Variants in ADAMTS19 observed in about 807,000 individuals in gnomAD.
The protein encoded by ADAMTS19 is ADAM metallopeptidase with thrombospondin type 1 motif 19.
Under a neutral mutation model 153.3 loss-of-function variants are expected in ADAMTS19, and 93 were observed. That is an observed-to-expected ratio of 0.61 (90% CI 0.51 to 0.72). The LOEUF (loss-of-function observed/expected upper bound fraction) is 0.72. Among genes scored for constraint, ADAMTS19 ranks in the 30% least tolerant of loss-of-function variants. ADAMTS19 has a pLI of 0.00. For synonymous variants in ADAMTS19, 600 were observed against 556.6 expected (o/e 1.08, Z -1.10); for missense variants, 1,482 against 1,552.1 (o/e 0.95, Z 0.76).
intron 18 of ADAMTS19, among the ~76,000 whole-genome samples, chr5:129,693,657 A>C (rs1755433407): frequency 1.3e-5 from 2 of 152,340 alleles, no homozygotes; most frequent in South Asian, 4.1e-4. Context: ...GCACATACTT[A>C]CTAGACATTT....
intron 21 of ADAMTS19, among the ~76,000 whole-genome samples, chr5:129,721,427 CT>C (rs1286126799): frequency 6.6e-6 from 1 of 152,092 alleles, no homozygotes; most frequent in African/African-American, 2.4e-5. Flanking sequence ...ACTTGAAAAA[CT>C]TTAATTTCAT....
At chr5:129,531,890 T>G (rs1437985446) in intron 6 of ADAMTS19, among the ~76,000 whole-genome samples, 1 of 152,032 alleles carries the variant, frequency 6.6e-6, no homozygotes, top group East Asian at 1.9e-4. Flanking sequence ...ACCAACATAA[T>G]TCAGTTATAA....
rs927055698 is a variant in ADAMTS19, at chr5:129,654,270, C to G, written c.2177-36C>G. 6 of 1,545,812 alleles carry G rather than the reference C, an allele frequency of 3.9e-6. No homozygotes were observed. The African/African-American group carries it at 7.0e-5, about 18-fold the overall frequency. On this transcript the variant is annotated intron_variant, in intron 13 of 22. Transcript: ENST00000274487. ...TAAGATAAAAATATTTATGGGGTAA[C>G]TTTTTCTCATTTCTTTTTATCTACT...
intron 7 of ADAMTS19, among the ~76,000 whole-genome samples, chr5:129,581,389 C>T (rs752531317): frequency 7.3e-5 from 11 of 151,590 alleles, no homozygotes; most frequent in African/African-American, 1.7e-4. Flanking sequence ...TTATTTGCAT[C>T]GGGGTATTTA....
chr5:129,556,652 A>T (rs1753321993), intron 7 of ADAMTS19, among the ~76,000 whole-genome samples: 1 of 152,192 alleles, frequency 6.6e-6, no homozygotes, highest in Non-Finnish European at 1.5e-5. Flanking sequence ...AAGAGTTCTT[A>T]AAAGTGGGAG....
chr5:129,697,641 G>GTGA (rs1755622460), intron 19 of ADAMTS19, among the ~76,000 whole-genome samples: 1 of 152,200 alleles, frequency 6.6e-6, no homozygotes, highest in African/African-American at 2.4e-5. Context: ...CAGGTACAGT[G>GTGA]ACCTAGGGAA....
chr5:129,554,185 T>C (rs1185232264), intron 7 of ADAMTS19, among the ~76,000 whole-genome samples: 2 of 152,046 alleles, frequency 1.3e-5, no homozygotes. Context: ...TTGGAACCAA[T>C]CCCCCATGGA....
At chr5:129,465,443 G>A (rs962498804) in intron 2 of ADAMTS19, among the ~76,000 whole-genome samples, 1 of 150,674 alleles carries the variant, frequency 6.6e-6, no homozygotes, top group Admixed American at 6.6e-5. Context: ...TCCAGATGAT[G>A]AAGTGTAGAT....
chr5:129,658,343 A>AAGAAAGAGAGAGAGAGAGAGAG (rs1259612364), intron 14 of ADAMTS19, among the ~76,000 whole-genome samples: 2 of 112,214 alleles, frequency 1.8e-5, no homozygotes, highest in African/African-American at 4.1e-5. Context: ...GAAAGAAAGA[A>AAGAAAGAGAGAGAGAGAGAGAG]AGAAAGAAAG....
chr5:129,492,506 A>AGTGTGTGTGTGTGTGT (rs148015134), intron 2 of ADAMTS19, among the ~76,000 whole-genome samples: 132 of 146,450 alleles, frequency 9.0e-4, no homozygotes, highest in African/African-American at 2.8e-3. Context: ...ATTAAAGGTC[A>AGTGTGTGTGTGTGTGT]GTGTGTGTGT....
intron 18 of ADAMTS19, among the ~76,000 whole-genome samples, chr5:129,687,015 T>A (rs1236399688): frequency 1.3e-5 from 2 of 152,120 alleles, no homozygotes; most frequent in South Asian, 2.1e-4. Context: ...TTCCTGTTCC[T>A]CTGCTCCACT....
At chr5:129,680,951 T>A (rs1754781430) in intron 17 of ADAMTS19, among the ~76,000 whole-genome samples, 1 of 152,124 alleles carries the variant, frequency 6.6e-6, no homozygotes, top group Admixed American at 6.6e-5. Flanking sequence ...GAGTTTTCTA[T>A]CCTAATGGCA....
intron 7 of ADAMTS19, among the ~76,000 whole-genome samples, chr5:129,578,083 T>TAC (rs1561580834): frequency 5.7e-5 from 2 of 35,016 alleles, no homozygotes; most frequent in African/African-American, 9.3e-5. Flanking sequence ...CACACACATA[T>TAC]ATACATATAC....
At position 129,460,339 on chromosome 5, in the gene ADAMTS19, G is replaced by C; in HGVS notation, c.-53G>C. The C allele has an allele frequency of 6.5e-7, 1 of 1,545,546 alleles. No individual in the cohort carries two copies. Among genetic ancestry groups the C allele is most frequent in the South Asian group, 1.1e-5 (1 of 89,572 alleles). ...GGGGAGGCCGCTGCGCCCCGGAGTGGATCGCGCTGGAGGCGTGCGCCGGGC... is the reference window on the plus strand; with the variant it reads ...GGGGAGGCCGCTGCGCCCCGGAGTGCATCGCGCTGGAGGCGTGCGCCGGGC... On this transcript the variant is annotated 5_prime_UTR_variant, in exon 1 of 23. Coordinates refer to ENST00000274487, the MANE Select transcript of ADAMTS19 (RefSeq NM_133638.6).
At chr5:129,607,178 A>C (rs1366117942) in intron 8 of ADAMTS19, among the ~76,000 whole-genome samples, 1 of 152,144 alleles carries the variant, frequency 6.6e-6, no homozygotes, top group African/African-American at 2.4e-5. Context: ...TGGCCTCCCA[A>C]AGTGTTGGGA....
At chr5:129,468,583 A>G (rs2126645978) in intron 2 of ADAMTS19, among the ~76,000 whole-genome samples, 1 of 151,950 alleles carries the variant, frequency 6.6e-6, no homozygotes, top group Non-Finnish European at 1.5e-5. Context: ...CGATCTCTTG[A>G]CCTCATGATC....
rs960027482 is a variant in ADAMTS19 at position 129,607,946 on chromosome 5, C to CAT, written c.1478+11292_1478+11293dup. Among the ~76,000 whole-genome samples the CAT allele has an allele frequency of 2.8e-4, 40 of 144,132 alleles. No individual in the cohort carries two copies. In the East Asian group the frequency reaches 5.1e-3, roughly 18 times the overall value. The allele number at this position is 144,132 out of a possible 152,430, so 94.6% of individuals were successfully genotyped here. ...AAAATGTGGTGTGTGTGTGTGTATGCATATATATATACACACACATATATA... is the reference window on the plus strand; with the variant it reads ...AAAATGTGGTGTGTGTGTGTGTATGCATATATATATATACACACACATATATA... On this transcript the variant is annotated intron_variant, in intron 8 of 22. Coordinates refer to ENST00000274487, the MANE Select transcript of ADAMTS19 (RefSeq NM_133638.6).
chr5:129,718,190 T>G (rs1756816312), intron 21 of ADAMTS19, among the ~76,000 whole-genome samples: 1 of 152,156 alleles, frequency 6.6e-6, no homozygotes, highest in African/African-American at 2.4e-5. Flanking sequence ...TAAAACACAT[T>G]TTGATTATTT....
chr5:129,579,806 T>A (rs146287983), intron 7 of ADAMTS19, among the ~76,000 whole-genome samples: 11,987 of 152,168 alleles, frequency 0.079, 595 homozygotes, highest in Middle Eastern at 0.15. Flanking sequence ...TATCTGTTTT[T>A]TTACCAGTAC....
Sources: allele counts gnomAD v4.1 joint callset (sites outside exome capture counted in the v4.1 genomes callset), GRCh38; gene constraint gnomAD v4.1.1; transcripts MANE v1.5; gene names NCBI Gene and HGNC (gene_info 2026-07-23, HGNC 2026-07-21).